PKLR: variants seen among roughly 807,000 people sequenced by gnomAD.
PKLR encodes pyruvate kinase L/R, also known as pyruvate kinase PKLR.
Under a neutral mutation model 53.6 loss-of-function variants are expected in PKLR, and 38 were observed. The observed-to-expected ratio is 0.71, with a 90% CI of 0.55 to 0.93. The LOEUF is 0.93. PKLR is among the 40% of genes least tolerant of loss of function. The pLI, the probability that PKLR is intolerant of heterozygous loss-of-function variation, is 0.00. For synonymous variants in PKLR, 328 were observed against 316.2 expected (o/e 1.04, Z -0.39); for missense variants, 702 against 787.3 (o/e 0.89, Z 1.30).
chr1:155,306,566 G>C, the PKLR span, among the ~76,000 whole-genome samples: 2 of 152,092 alleles, frequency 1.3e-5, no homozygotes, highest in Non-Finnish European at 2.9e-5. The surrounding 1 kb of genome is among the most constrained non-coding windows in gnomAD (Gnocchi z 4.2). Flanking sequence ...AGGAGGTCAG[G>C]GCAGCTTAAC....
Position 155,293,197 on chromosome 1 carries a change from A to C in PKLR, c.1416T>G (p.Ile472Met), listed in dbSNP as rs1422440206. Residue 472 changes from isoleucine to methionine, a missense_variant, in exon 9 of 11, where the codon ATT becomes ATG. This residue lies in a region of PKLR where 183 missense variants were observed against 250.2 expected (regional missense o/e 0.73). Transcript: ENST00000342741. The surrounding 1 kb of genome is among the most constrained non-coding windows in gnomAD (Gnocchi z 4.2). Reference protein sequence around the residue: ...AAFKCCAAAIIVLTTTGRSAQ... With the variant: ...AAFKCCAAAIMVLTTTGRSAQ... The stretch of plus-strand genomic sequence containing the variant: ...CTCACCGGCCAGTTGTGGTCAGCAC[A>C]ATGATGGCAGCAGCACAGCACTTGA... 3 of 1,613,292 alleles carry C rather than the reference A, an allele frequency of 1.9e-6. No homozygotes were observed. The highest frequency in any genetic ancestry group is 2.5e-6 in the Non-Finnish European group (3 of 1,179,834).
rs1557958902 is a variant in PKLR at position 155,294,374 on chromosome 1, A to T, written c.977T>A (p.Ile326Asn). Reference protein sequence around the residue: ...NHEGVKRFDEILEVSDGIMVA... With the variant: ...NHEGVKRFDENLEVSDGIMVA... ...CATGATGCCGTCGCTCACCTCCAGG[A>T]TTTCATCAAACCTGAGAGGTTGGGA... The change falls in exon 7 of 11, where the codon ATC (isoleucine) becomes AAC (asparagine). Residue 326 changes from isoleucine (I) to asparagine (N), a missense_variant. Physicochemically the swap from Ile to Asn is moderately radical, Grantham distance 149. This residue lies in a region of PKLR where 519 missense variants were observed against 537.1 expected (regional missense o/e 0.97). Coordinates refer to ENST00000342741, the MANE Select transcript of PKLR (RefSeq NM_000298.6). The T allele has an allele frequency of 6.2e-7, 1 of 1,614,164 alleles. No individual in the cohort carries two copies. The highest frequency in any genetic ancestry group is 8.5e-7 in the Non-Finnish European group (1 of 1,180,022).
chr1:155,300,804 T>C, intron 1 of PKLR: 2 of 1,550,224 alleles, frequency 1.3e-6, no homozygotes, highest in Non-Finnish European at 1.8e-6. Flanking sequence ...CCCAGGCTTC[T>C]CAAAGCTGCT....
Position 155,294,357 on chromosome 1 carries a change from C to T in PKLR, c.994G>A (p.Gly332Ser), listed in dbSNP as rs773626254. The change falls in exon 7 of 11, where the codon GGC becomes AGC. Residue 332 changes from glycine (G) to serine (S), a missense_variant. Transcript: ENST00000342741. ...RFDEILEVSD[G>S]IMVARGDLGI... ...AGGTCCCCCCGTGCCACCATGATGC[C>T]GTCGCTCACCTCCAGGATTTCATCA... is the stretch of plus-strand genomic sequence containing the variant. The T allele has an allele frequency of 3.1e-5, 50 of 1,614,000 alleles. No individual in the cohort carries two copies. The highest frequency in any genetic ancestry group is 1.3e-4 in the Admixed American group (8 of 59,980).
At chr1:155,299,136 TC>T (rs894207138) in intron 2 of PKLR, among the ~76,000 whole-genome samples, 1 of 136,754 alleles carries the variant, frequency 7.3e-6, no homozygotes, top group African/African-American at 2.6e-5. Flanking sequence ...CCTCCCTCCC[TC>T]CCTCCTTCCT....
chr1:155,302,889 G>A (rs1456335458), upstream of PKLR, among the ~76,000 whole-genome samples: 1 of 151,596 alleles, frequency 6.6e-6, no homozygotes, highest in African/African-American at 2.4e-5. Context: ...CTTTCCACAG[G>A]TGCTGACTTT....
chr1:155,301,000 G>A, intron 1 of PKLR: 3 of 1,554,194 alleles, frequency 1.9e-6, no homozygotes, highest in Non-Finnish European at 2.6e-6. Flanking sequence ...ACTGGTTAAA[G>A]TGTCACCACT....
chr1:155,294,347 A>ACCATGATGCC lies in PKLR; in HGVS notation c.994_1003dup (p.Val335GlyfsTer69), dbSNP rs1356806251. The ACCATGATGCC allele has an allele frequency of 4.3e-6, 7 of 1,613,992 alleles. No homozygotes were observed. The African/African-American group carries it at 8.0e-5, about 18-fold the overall frequency. Reference sequence around the variant, plus strand: ...CTCGATGCCTAGGTCCCCCCGTGCCACCATGATGCCGTCGCTCACCTCCAG... The same window carrying ACCATGATGCC: ...CTCGATGCCTAGGTCCCCCCGTGCCACCATGATGCCCCATGATGCCGTCGCTCACCTCCAG... On this transcript the variant is annotated frameshift_variant, in exon 7 of 11. Transcript: ENST00000342741. LOFTEE classifies it high-confidence loss of function.
upstream of PKLR, among the ~76,000 whole-genome samples, chr1:155,304,627 G>A (rs983236328): frequency 2.0e-5 from 3 of 152,070 alleles, no homozygotes; most frequent in Non-Finnish European, 2.9e-5. Context: ...TGGAGAGGGC[G>A]GCTTCTAGTG....
Position 155,294,551 on chromosome 1 carries a change from G to A in PKLR, c.896C>T (p.Ala299Val). 6.2e-7 allele frequency: 1 copy of A among 1,614,228 alleles called. No homozygotes were observed. Among genetic ancestry groups the A allele is most frequent in the Admixed American group, 1.7e-5 (1 of 60,032 alleles). ...RKASDVAAVR[A>V]ALGPEGHGIK... ...GCCGTGTCCTTCCGGACCCAGAGCA[G>A]CCCTGACGGCAGCCACGTCGCTGGC... The change falls in exon 6 of 11, where the codon GCT (alanine) becomes GTT (valine). Residue 299 changes from alanine to valine, a missense_variant. Coordinates refer to ENST00000342741, the MANE Select transcript of PKLR (RefSeq NM_000298.6).
chr1:155,295,618 C>A lies in PKLR; in HGVS notation c.375+47G>T. ...TTTCAGGGGAAGGTGGCCAGGACCT[C>A]GAGGCATCCTCCTGCCCCACCCACT... is the stretch of plus-strand genomic sequence containing the variant. On this transcript the variant is annotated intron_variant, in intron 3 of 10. Transcript: ENST00000342741. The surrounding 1 kb of genome is among the most constrained non-coding windows in gnomAD (Gnocchi z 4.3). 1 of 1,613,968 alleles carries A rather than the reference C, an allele frequency of 6.2e-7. No individual in the cohort carries two copies. The highest frequency in any genetic ancestry group is 8.5e-7 in the Non-Finnish European group (1 of 1,179,938).
At position 155,294,634 on chromosome 1, in the gene PKLR, G is replaced by T; in HGVS notation, c.813C>A (p.Asp271Glu). The T allele has an allele frequency of 6.2e-7, 1 of 1,614,208 alleles. No homozygotes were observed. Among genetic ancestry groups the T allele is most frequent in the Non-Finnish European group, 8.5e-7 (1 of 1,180,046 alleles). ...CCCCATGCTCCACCCCGAAGCGCAG[G>T]TCTCGGACGTCCTGCTCGGACAGCC... The part of the protein sequence containing the change: ...LPGLSEQDVR[D>E]LRFGVEHGVD... Residue 271 changes from aspartate to glutamate, a missense_variant, in exon 6 of 11, where the codon GAC becomes GAA. By Grantham distance (45) the Asp-to-Glu change is conservative. This residue lies in a region of PKLR where 519 missense variants were observed against 537.1 expected (regional missense o/e 0.97). Transcript: ENST00000342741.
chr1:155,291,119 A>G (rs1674520819), intron 10 of PKLR, among the ~76,000 whole-genome samples: 1 of 152,082 alleles, frequency 6.6e-6, no homozygotes, highest in Non-Finnish European at 1.5e-5. Flanking sequence ...ACCTTTCACC[A>G]CATCAAGGCC....
At chr1:155,296,252 G>A (rs1647592318) in intron 2 of PKLR, among the ~76,000 whole-genome samples, 1 of 152,136 alleles carries the variant, frequency 6.6e-6, no homozygotes, top group Non-Finnish European at 1.5e-5. Context: ...TTCCACTTGT[G>A]CACTAGGTCT....
chr1:155,293,669 C>T lies in PKLR; in HGVS notation c.1117-79G>A. The T allele has an allele frequency of 6.9e-7, 1 of 1,442,780 alleles. No individual in the cohort carries two copies. Among genetic ancestry groups the T allele is most frequent in the Non-Finnish European group, 9.7e-7 (1 of 1,030,558 alleles). The allele number at this position is 1,442,780 out of a possible 1,614,324, so 89.4% of individuals were successfully genotyped here. On this transcript the variant is annotated intron_variant, in intron 7 of 10. Transcript: ENST00000342741. This position sits in a 1 kb window ranked among gnomAD's most constrained non-coding sequence, Gnocchi z 4.2. ...CCTGCCCAAGCTACTTCTCTGACAC[C>T]CACACTCTCAGAGTGTCCCAAAATC... is the stretch of plus-strand genomic sequence containing the variant.
At chr1:155,297,446 C>T (rs551129104) in intron 2 of PKLR, among the ~76,000 whole-genome samples, 97 of 152,246 alleles carry the variant, frequency 6.4e-4, no homozygotes, top group Non-Finnish European at 1.1e-3. Context: ...ACACTCCATA[C>T]CCCATATCCG....
intron 10 of PKLR, 23 bp from the exon 11 acceptor site, chr1:155,290,701 A>C: frequency 7.1e-7 from 1 of 1,403,136 alleles, no homozygotes; most frequent in Non-Finnish European, 1.0e-6. Flanking sequence ...AAGAAAACAA[A>C]TCATTGGACA....
At position 155,295,301 on chromosome 1, in the gene PKLR, C is replaced by G; in HGVS notation, c.509G>C (p.Gly170Ala). 1 of 1,613,932 alleles carries G rather than the reference C, an allele frequency of 6.2e-7. No homozygotes were observed. The highest frequency in any genetic ancestry group is 8.5e-7 in the Non-Finnish European group (1 of 1,179,926). ...CACCAGCTCCACTTCCGACTCTGGA[C>G]CCTAAGGAGGGAGCCAGAGGAGATG... Reference protein sequence around the residue: ...PEIRTGILQGGPESEVELVKG... With the variant: ...PEIRTGILQGAPESEVELVKG... Residue 170 changes from glycine to alanine, a missense_variant and splice_region_variant, in exon 5 of 11, where the codon GGT becomes GCT. Gly to Ala is a moderately conservative substitution (Grantham distance 60, BLOSUM62 0). Around this residue, in one of 2 missense-constraint regions of PKLR, gnomAD observed 519 missense variants for 537.1 expected, o/e 0.97. Coordinates refer to ENST00000342741, the MANE Select transcript of PKLR (RefSeq NM_000298.6). This position sits in a 1 kb window ranked among gnomAD's most constrained non-coding sequence, Gnocchi z 4.3.
chr1:155,291,213 G>A (rs981214520), intron 10 of PKLR, among the ~76,000 whole-genome samples: 1 of 151,932 alleles, frequency 6.6e-6, no homozygotes, highest in Admixed American at 6.6e-5. Flanking sequence ...AAAGGTGTAA[G>A]AGATGCCAGC....
Sources: allele counts gnomAD v4.1 joint callset (sites outside exome capture counted in the v4.1 genomes callset), GRCh38; gene constraint gnomAD v4.1.1; regional missense constraint gnomAD v4.1.1; non-coding constraint Gnocchi (gnomAD v3.1); transcripts MANE v1.5; gene names NCBI Gene and HGNC (gene_info 2026-07-23, HGNC 2026-07-21).